Variants in QKI observed in about 807,000 individuals in gnomAD.
QKI encodes the protein QKI, KH domain containing RNA binding.
In QKI, 10 loss-of-function variants were observed where a neutral mutation model predicts 39.0. The observed-to-expected ratio is 0.26, with a 90% CI of 0.16 to 0.43. QKI has a LOEUF of 0.43. Ranked by LOEUF, QKI falls within the 20% of genes least tolerant of loss-of-function variation. The pLI, the probability that QKI is intolerant of heterozygous loss-of-function variation, is 1.00. For missense variants in QKI, 218 were observed against 428.0 expected (o/e 0.51, Z 4.33); for synonymous variants, 204 against 155.4 (o/e 1.31, Z -2.33).
chr6:163,495,481 T>C (rs1365651147), intron 3 of QKI, among the ~76,000 whole-genome samples: 1 of 152,228 alleles, frequency 6.6e-6, no homozygotes, highest in Non-Finnish European at 1.5e-5. Flanking sequence ...GCAGACATTA[T>C]GATCCTTCAT....
At chr6:163,427,962 CTTG>C (rs1042222162) in intron 1 of QKI, among the ~76,000 whole-genome samples, 13 of 152,090 alleles carry the variant, frequency 8.5e-5, no homozygotes, top group African/African-American at 3.1e-4. Flanking sequence ...CTAGTGCAAA[CTTG>C]TTGTCATTAA....
intron 1 of QKI, among the ~76,000 whole-genome samples, chr6:163,424,073 TG>T (rs1788212070): frequency 2.0e-5 from 3 of 152,236 alleles, no homozygotes. Flanking sequence ...TGCCAGCATC[TG>T]GGGGATGATT....
intron 3 of QKI, among the ~76,000 whole-genome samples, chr6:163,524,726 CAA>C (rs1459264483): frequency 6.6e-6 from 1 of 152,172 alleles, no homozygotes; most frequent in Non-Finnish European, 1.5e-5. Flanking sequence ...CCCGGCCTCC[CAA>C]AGTGCTGGAA....
intron 3 of QKI, among the ~76,000 whole-genome samples, chr6:163,531,853 G>A (rs1215651593): frequency 1.3e-5 from 2 of 152,110 alleles, no homozygotes; most frequent in African/African-American, 4.8e-5. Flanking sequence ...AATTTTTGGT[G>A]GGAGTGTAAG....
intron 3 of QKI, among the ~76,000 whole-genome samples, chr6:163,505,344 A>G (rs147075467): frequency 0.028 from 4,242 of 152,266 alleles, 196 homozygotes; most frequent in African/African-American, 0.096. Flanking sequence ...GAGGGCCACC[A>G]TCCTCCAGAC....
At chr6:163,500,127 A>T (rs1778667770) in intron 3 of QKI, among the ~76,000 whole-genome samples, 1 of 152,188 alleles carries the variant, frequency 6.6e-6, no homozygotes, top group Admixed American at 6.5e-5. Context: ...GCAAGGGTGG[A>T]AAGTGGGAAG....
chr6:163,498,673 T>C (rs1296674984), intron 3 of QKI, among the ~76,000 whole-genome samples: 2 of 152,148 alleles, frequency 1.3e-5, no homozygotes, highest in African/African-American at 4.8e-5. Context: ...CACATTGTTT[T>C]GAAGAATATT....
intron 3 of QKI, among the ~76,000 whole-genome samples, chr6:163,513,632 T>A (rs934199888): frequency 5.3e-5 from 8 of 152,172 alleles, no homozygotes; most frequent in African/African-American, 1.9e-4. Context: ...CTACCAGGAA[T>A]GTTCGATGAT....
chr6:163,529,674 T>C (rs562351842), intron 3 of QKI, among the ~76,000 whole-genome samples: 70 of 152,332 alleles, frequency 4.6e-4, no homozygotes, highest in African/African-American at 1.6e-3. Context: ...AATCTGAGCC[T>C]ATCGTGGGAA....
At chr6:163,492,220 C>T (rs1778099991) in intron 3 of QKI, among the ~76,000 whole-genome samples, 1 of 152,130 alleles carries the variant, frequency 6.6e-6, no homozygotes, top group Non-Finnish European at 1.5e-5. Flanking sequence ...AATTATTAGG[C>T]CGTTTCATAA....
chr6:163,433,297 C>T (rs1423634204), intron 1 of QKI, among the ~76,000 whole-genome samples: 1 of 152,002 alleles, frequency 6.6e-6, no homozygotes, highest in Non-Finnish European at 1.5e-5. Context: ...TGGCTTGAAG[C>T]CTGAGAAGGG....
At chr6:163,526,392 G>A (rs9364691) in intron 3 of QKI, among the ~76,000 whole-genome samples, 64,019 of 151,938 alleles carry the variant, frequency 0.42, 16,740 homozygotes, top group East Asian at 0.72. Context: ...CTTAGATGAT[G>A]GTGAGAATAA....
chr6:163,515,061 A>G (rs1484292304), intron 3 of QKI, among the ~76,000 whole-genome samples: 1 of 152,226 alleles, frequency 6.6e-6, no homozygotes, highest in African/African-American at 2.4e-5. Context: ...CACAAATTCA[A>G]TTAAAAATGA....
chr6:163,445,759 C>T lies in QKI; in HGVS notation c.143-9520C>T, dbSNP rs551188648. ...CCTCTTGAGTAGCTGGGACTACAGG[C>T]GCCCGCCACCACGCCCAGCTAATTT... is the stretch of plus-strand genomic sequence containing the variant. On this transcript the variant is annotated intron_variant, in intron 1 of 7. Coordinates refer to ENST00000361752, the MANE Select transcript of QKI (RefSeq NM_006775.3). 4.6e-5 allele frequency among the ~76,000 whole-genome samples: 7 copies of T among 152,046 alleles called. No individual in the cohort carries two copies. The East Asian group carries it at 5.8e-4, about 13-fold the overall frequency.
intron 3 of QKI, among the ~76,000 whole-genome samples, chr6:163,534,394 A>G (rs1781064631): frequency 2.6e-5 from 4 of 152,242 alleles, no homozygotes; most frequent in Admixed American, 2.6e-4. Flanking sequence ...CATCTTACAC[A>G]ATAACATCTA....
intron 2 of QKI, among the ~76,000 whole-genome samples, chr6:163,465,047 G>A (rs1445058796): frequency 1.3e-5 from 2 of 152,126 alleles, no homozygotes; most frequent in African/African-American, 4.8e-5. Context: ...ATCATTAACT[G>A]AGCTACACCA....
chr6:163,550,582 C>CT (rs371658286), intron 4 of QKI, among the ~76,000 whole-genome samples: 1 of 152,050 alleles, frequency 6.6e-6, no homozygotes, highest in Non-Finnish European at 1.5e-5. Context: ...CAGCAGTTGC[C>CT]TTTTTTTCAC....
At chr6:163,570,666 T>C (rs1309990506) in intron 7 of QKI, 28 bp from the exon 8 acceptor site, 3 of 1,603,908 alleles carry the variant, frequency 1.9e-6, no homozygotes, top group Non-Finnish European at 1.7e-6. Context: ...TTTTTTTGTT[T>C]TGTTTTTTTT....
intron 1 of QKI, among the ~76,000 whole-genome samples, chr6:163,447,902 A>G (rs1476644623): frequency 6.6e-6 from 1 of 152,214 alleles, no homozygotes; most frequent in Non-Finnish European, 1.5e-5. Context: ...ATATAATAAC[A>G]TGAAAGCGAA....
Sources: allele counts gnomAD v4.1 joint callset (sites outside exome capture counted in the v4.1 genomes callset), GRCh38; gene constraint gnomAD v4.1.1; transcripts MANE v1.5; gene names NCBI Gene and HGNC (gene_info 2026-07-23, HGNC 2026-07-21).